Variants in THSD4 observed in about 807,000 individuals in gnomAD.
THSD4 encodes thrombospondin type-1 domain-containing protein 4.
A neutral mutation model predicts 119.0 loss-of-function variants in THSD4; 69 were observed. The observed-to-expected ratio is 0.58, with a 90% CI of 0.48 to 0.71. The LOEUF (loss-of-function observed/expected upper bound fraction) is 0.71, where lower values mean the gene tolerates loss of function less well. Ranked by LOEUF, THSD4 falls within the 30% of genes least tolerant of loss-of-function variation. The probability of loss-of-function intolerance (pLI) is 0.00; values close to 1 mark genes in which losing one functional copy is unlikely to be tolerated. For synonymous variants in THSD4, 524 were observed against 540.4 expected (o/e 0.97, Z 0.42); for missense variants, 1,393 against 1,391.1 (o/e 1.00, Z -0.02).
chr15:71,123,266 C>T (rs1190722502), intron 1 of THSD4, among the ~76,000 whole-genome samples: 1 of 152,188 alleles, frequency 6.6e-6, no homozygotes, highest in African/African-American at 2.4e-5. Flanking sequence ...ACTCAGGCAT[C>T]CAGTGCTTTC....
chr15:71,256,819 G>T (rs2044323404), intron 6 of THSD4, 104 bp downstream of exon 6: 4 of 1,034,690 alleles, frequency 3.9e-6, no homozygotes, highest in Non-Finnish European at 4.3e-6. Context: ...CCTGGCTGGG[G>T]TGTCAATAGG....
In THSD4 at chr15:71,728,629, A is replaced by G; in HGVS notation, c.1438A>G (p.Thr480Ala). The G allele has an allele frequency of 6.2e-7, 1 of 1,614,194 alleles. No homozygotes were observed. Among genetic ancestry groups the G allele is most frequent in the Middle Eastern group, 1.6e-4 (1 of 6,062 alleles). ...ACCAGGAAAATACGAGGGCGGAGGGACCATGTTCACCTACAAGCGTCCAAA... is the reference window on the plus strand; with the variant it reads ...ACCAGGAAAATACGAGGGCGGAGGGGCCATGTTCACCTACAAGCGTCCAAA... ...DRPGKYEGGG[T>A]MFTYKRPNEI... is the part of the protein sequence containing the mutation. The change falls in exon 9 of 18, where the codon ACC becomes GCC. Residue 480 changes from threonine to alanine, a missense_variant. By Grantham distance (58) the Thr-to-Ala change is moderately conservative (BLOSUM62 0). Coordinates refer to ENST00000261862, the MANE Select transcript of THSD4 (RefSeq NM_024817.3).
chr15:71,626,256 A>G (rs1567069116), intron 7 of THSD4, among the ~76,000 whole-genome samples: 1 of 152,318 alleles, frequency 6.6e-6, no homozygotes, highest in East Asian at 1.9e-4. Flanking sequence ...TAAGTAAGAA[A>G]AACAACATCT....
intron 7 of THSD4, among the ~76,000 whole-genome samples, chr15:71,476,951 C>T (rs1004116754): frequency 6.6e-6 from 1 of 152,298 alleles, no homozygotes; most frequent in Non-Finnish European, 1.5e-5. Context: ...CATGAGTGAA[C>T]GCGCACTGGC....
chr15:71,476,237 A>G (rs1282022894), intron 7 of THSD4, among the ~76,000 whole-genome samples: 1 of 152,048 alleles, frequency 6.6e-6, no homozygotes. Context: ...CCGGCTGTAT[A>G]TTCCTTTTTT....
At chr15:71,486,937 A>G (rs1446042026) in intron 7 of THSD4, among the ~76,000 whole-genome samples, 9 of 152,182 alleles carry the variant, frequency 5.9e-5, no homozygotes, top group Non-Finnish European at 1.2e-4. Context: ...GACACCACCT[A>G]TTGAGTATCT....
rs543246977 is a variant in THSD4 at position 71,535,697 on chromosome 15, A to T, written c.1152+123874A>T. 2.6e-5 allele frequency among the ~76,000 whole-genome samples: 4 copies of T among 152,330 alleles called. No homozygotes were observed. In the East Asian group the frequency reaches 7.7e-4, roughly 29 times the overall value. The stretch of plus-strand genomic sequence containing the variant: ...TCCCTAATGACTCTTGATGTTGAGC[A>T]TCTTTTTCTGTGCTTATTGACCATT... On this transcript the variant is annotated intron_variant, in intron 7 of 17. Transcript: ENST00000261862.
At chr15:71,410,213 T>C (rs188961394) in intron 6 of THSD4, among the ~76,000 whole-genome samples, 1 of 152,314 alleles carries the variant, frequency 6.6e-6, no homozygotes, top group African/African-American at 2.4e-5. Context: ...GAGATTTGTT[T>C]AGCATTTACT....
intron 8 of THSD4, among the ~76,000 whole-genome samples, chr15:71,711,213 A>AT (rs961358943): frequency 7.3e-5 from 11 of 151,404 alleles, no homozygotes; most frequent in South Asian, 2.1e-4. Context: ...TTGGTTTCAG[A>AT]TTTTTTTTGA....
At chr15:71,395,912 G>GACACACACACAC (rs148711899) in intron 6 of THSD4, among the ~76,000 whole-genome samples, 2 of 109,606 alleles carry the variant, frequency 1.8e-5, no homozygotes, top group African/African-American at 7.6e-5. Context: ...GTTTTGAAGA[G>GACACACACACAC]AGACACACAC....
At chr15:71,604,002 A>G (rs2050061395) in intron 7 of THSD4, among the ~76,000 whole-genome samples, 1 of 152,200 alleles carries the variant, frequency 6.6e-6, no homozygotes. Context: ...GATGAAGGAG[A>G]GAAAAGAGGT....
intron 1 of THSD4, among the ~76,000 whole-genome samples, chr15:71,123,671 A>G (rs1404888573): frequency 6.6e-6 from 1 of 152,234 alleles, no homozygotes; most frequent in Non-Finnish European, 1.5e-5. Flanking sequence ...CCAGACAGGC[A>G]TCAGATTCAG....
chr15:71,394,834 G>A (rs923605457), intron 6 of THSD4, among the ~76,000 whole-genome samples: 2 of 152,082 alleles, frequency 1.3e-5, no homozygotes, highest in African/African-American at 4.8e-5. Context: ...TTGCATTTTT[G>A]TGTATTTAAT....
intron 9 of THSD4, 57 bp from the exon 10 acceptor site, chr15:71,731,063 AC>A: frequency 6.4e-7 from 1 of 1,553,276 alleles, no homozygotes; most frequent in Non-Finnish European, 8.9e-7. Context: ...TGCCATTGAA[AC>A]CCAGAAGGGG....
At chr15:71,317,484 C>T (rs941666508) in intron 6 of THSD4, among the ~76,000 whole-genome samples, 5 of 152,152 alleles carry the variant, frequency 3.3e-5, no homozygotes, top group Non-Finnish European at 2.9e-5. Flanking sequence ...TTTTATAAAA[C>T]CATCAAATCT....
chr15:71,540,569 C>T lies in THSD4; in HGVS notation c.1153-119961C>T, dbSNP rs550100197. 1.6e-3 allele frequency among the ~76,000 whole-genome samples: 220 copies of T among 141,560 alleles called. 2 individuals are homozygous for T. Among genetic ancestry groups the T allele is most frequent in the African/African-American group, 5.5e-3 (204 of 37,254 alleles). 92.9% of individuals were successfully genotyped at this position (141,560 alleles called of 152,430 possible). On this transcript the variant is annotated intron_variant, in intron 7 of 17. Coordinates refer to ENST00000261862, the MANE Select transcript of THSD4 (RefSeq NM_024817.3). ...TCAGCCTCCCGAGTAGATGGGATTA[C>T]AAGCACGTGCCACCACACTCAGCTA...
At chr15:71,410,687 G>A (rs1056202818) in intron 6 of THSD4, among the ~76,000 whole-genome samples, 2 of 152,158 alleles carry the variant, frequency 1.3e-5, no homozygotes, top group Non-Finnish European at 2.9e-5. Context: ...GGAAGCTGCG[G>A]CCATTTAAAA....
At position 71,388,663 on chromosome 15, in the gene THSD4, AGTGT is replaced by A. The variant is rs55923750; in HGVS notation, c.1016-22997_1016-22994del. Among the ~76,000 whole-genome samples the A allele has an allele frequency of 2.8e-4, 38 of 134,228 alleles. 1 individual carries two copies. The highest frequency in any genetic ancestry group is 4.8e-4 in the South Asian group (2 of 4,192). 88.1% of individuals were successfully genotyped at this position (134,228 alleles called of 152,430 possible). ...AGTATTGATTTGATTCTTTGGAGAG[AGTGT>A]GTGTGTGTGTGTGTGTGTGTGTGTG... On this transcript the variant is annotated intron_variant, in intron 6 of 17. Coordinates refer to ENST00000261862, the MANE Select transcript of THSD4 (RefSeq NM_024817.3).
chr15:71,362,745 G>T (rs546715050), intron 6 of THSD4, among the ~76,000 whole-genome samples: 5 of 152,040 alleles, frequency 3.3e-5, no homozygotes, highest in South Asian at 2.1e-4. Flanking sequence ...GTTTTCGTCC[G>T]CACGCAGCAC....
Sources: allele counts gnomAD v4.1 joint callset (sites outside exome capture counted in the v4.1 genomes callset), GRCh38; gene constraint gnomAD v4.1.1; transcripts MANE v1.5; gene names NCBI Gene and HGNC (gene_info 2026-07-23, HGNC 2026-07-21).